The following APOB variants were observed in gnomAD, a reference collection of about 807,000 sequenced individuals.
APOB encodes the protein apolipoprotein B.
A neutral mutation model predicts 314.1 loss-of-function variants in APOB; 153 were observed. That is an observed-to-expected ratio of 0.49 (90% CI 0.43 to 0.56). APOB has a LOEUF of 0.56. APOB is among the 20% of genes least tolerant of loss of function. The probability of loss-of-function intolerance (pLI) is 0.00; values close to 1 mark genes in which losing one functional copy is unlikely to be tolerated. For synonymous variants in APOB, 2,087 were observed against 2,036.4 expected (o/e 1.02, Z -0.67); for missense variants, 5,430 against 5,350.7 (o/e 1.01, Z -0.46).
chr2:21,028,071 T>C lies in APOB; in HGVS notation c.1830-6A>G. On this transcript the variant is annotated splice_region_variant and splice_polypyrimidine_tract_variant and intron_variant, in intron 13 of 28. Transcript: ENST00000233242. ...CTTTCACTAACTTTTTCAGACTAGA[T>C]AAGAAGAAGTATATTTTGAGCTGAC... is the stretch of plus-strand genomic sequence containing the variant. 1 of 1,570,384 alleles carries C rather than the reference T, an allele frequency of 6.4e-7. No homozygotes were observed. Among genetic ancestry groups the C allele is most frequent in the South Asian group, 1.1e-5 (1 of 89,972 alleles).
intron 10 of APOB, among the ~76,000 whole-genome samples, chr2:21,031,197 C>G (rs1386081124): frequency 6.6e-6 from 1 of 152,204 alleles, no homozygotes; most frequent in Admixed American, 6.5e-5. Flanking sequence ...GACATGGAAT[C>G]AACCTAAGTG....
At chr2:21,028,990 A>G (rs1023258028) in intron 12 of APOB, among the ~76,000 whole-genome samples, 1 of 152,234 alleles carries the variant, frequency 6.6e-6, no homozygotes, top group Non-Finnish European at 1.5e-5. Flanking sequence ...GGGAAAATTA[A>G]GCATGTTTTT....
intron 12 of APOB, 100 bp from the exon 13 acceptor site, chr2:21,028,638 A>G: frequency 2.4e-6 from 2 of 817,668 alleles, no homozygotes; most frequent in Non-Finnish European, 4.2e-6. Context: ...TCTTAAGCAC[A>G]GGTCTAATTT....
intron 4 of APOB, among the ~76,000 whole-genome samples, chr2:21,039,986 C>T (rs768851715): frequency 4.6e-5 from 7 of 152,142 alleles, no homozygotes; most frequent in Non-Finnish European, 8.8e-5. Context: ...AATTTCGTCT[C>T]GTAGCTCTCA....
chr2:21,002,297 C>T lies in APOB; in HGVS notation c.13125G>A (p.Gln4375=). 1 of 1,613,794 alleles carries T rather than the reference C, an allele frequency of 6.2e-7. No individual in the cohort carries two copies. The highest frequency in any genetic ancestry group is 1.1e-5 in the South Asian group (1 of 91,040). ...GGGCCATAATGTATTGATGGATCTG[C>T]TGTAACTCTTGAGAAGCTTCCTGAA... ...NELQEASQEL[Q]QIHQYIMALR... The change falls in exon 29 of 29, where the codon CAG becomes CAA. Residue 4375 remains glutamine (Q), a synonymous_variant. Coordinates refer to ENST00000233242, the MANE Select transcript of APOB (RefSeq NM_000384.3).
At chr2:21,029,266 A>G (rs916914191) in intron 12 of APOB, among the ~76,000 whole-genome samples, 6 of 152,256 alleles carry the variant, frequency 3.9e-5, no homozygotes, top group African/African-American at 1.4e-4. Context: ...CCTGGCCAAC[A>G]TGGCAAAACT....
chr2:21,042,611 T>C (rs1298610053), intron 2 of APOB, 135 bp from the exon 3 acceptor site: 1 of 723,966 alleles, frequency 1.4e-6, no homozygotes, highest in Non-Finnish European at 2.5e-6. Context: ...TAATTGACTT[T>C]ATACTTAATT....
intron 18 of APOB, among the ~76,000 whole-genome samples, chr2:21,021,929 G>A (rs978755910): frequency 5.9e-5 from 9 of 152,118 alleles, no homozygotes; most frequent in Admixed American, 6.6e-5. Context: ...CTCAACATAC[G>A]TGGTATATAT....
intron 21 of APOB, 149 bp from the exon 22 acceptor site, chr2:21,015,694 A>G (rs1663447843): frequency 2.3e-6 from 2 of 869,192 alleles, no homozygotes; most frequent in Non-Finnish European, 3.7e-6. Context: ...TCAACTTCTA[A>G]AGCCAACATT....
In APOB at chr2:21,028,266, T is replaced by G; in HGVS notation, c.1829+61A>C. ...GGCAGACAGTGGCTATGCCAAAACC[T>G]AGGGTTGGAATTCCAGCTCAGGGCC... On this transcript the variant is annotated intron_variant, in intron 13 of 28. Coordinates refer to ENST00000233242, the MANE Select transcript of APOB (RefSeq NM_000384.3). The G allele has an allele frequency of 4.1e-6, 6 of 1,450,826 alleles. No homozygotes were observed. The South Asian group carries it at 6.9e-5, about 17-fold the overall frequency. 89.9% of individuals were successfully genotyped at this position (1,450,826 alleles called of 1,614,324 possible).
At position 21,007,433 on chromosome 2, in the gene APOB, A is replaced by T; in HGVS notation, c.9435T>A (p.Pro3145=). ...CCCATAGAGAGAAATCTTTCAGTGG[A>T]GGAGTTGTGATTATTGTGTAAGGTA... The part of the protein sequence containing the change: ...MRLPYTIITT[P]PLKDFSLWEK... Residue 3145 remains proline, a synonymous_variant, in exon 26 of 29, where the codon CCT becomes CCA. Coordinates refer to ENST00000233242, the MANE Select transcript of APOB (RefSeq NM_000384.3). 1 of 1,614,018 alleles carries T rather than the reference A, an allele frequency of 6.2e-7. No individual in the cohort carries two copies.
rs370286693 is a variant in APOB at position 21,001,976 on chromosome 2, A to C, written c.13446T>G (p.Ile4482Met). ...AATCAGAAATTATTTTCTTCGTCGC[A>C]ATGGCCTGGCTTTTAATTATTTCCT... ...TAQEIIKSQA[I>M]ATKKIISDYH... The change falls in exon 29 of 29, where the codon ATT becomes ATG. Residue 4482 changes from isoleucine (I) to methionine (M), a missense_variant. Physicochemically the swap from Ile to Met is conservative, Grantham distance 10. This residue lies in a region of APOB where 3,281 missense variants were observed against 3,171.0 expected (regional missense o/e 1.03). Coordinates refer to ENST00000233242, the MANE Select transcript of APOB (RefSeq NM_000384.3). 4.3e-6 allele frequency: 7 copies of C among 1,614,012 alleles called. No individual in the cohort carries two copies. The highest frequency in any genetic ancestry group is 5.1e-6 in the Non-Finnish European group (6 of 1,179,970).
Position 21,019,669 on chromosome 2 carries a change from G to A in APOB, c.2999+54C>T, listed in dbSNP as rs1663550488. 1.6e-5 allele frequency: 25 copies of A among 1,550,154 alleles called. No individual in the cohort carries two copies. In the South Asian group the frequency reaches 2.7e-4, roughly 17 times the overall value. On this transcript the variant is annotated intron_variant, in intron 19 of 28. Coordinates refer to ENST00000233242, the MANE Select transcript of APOB (RefSeq NM_000384.3). ...TATTTTTTCCTGTGCCATGCTAGGT[G>A]GCCATGATGTGGAAGGTGAGAAAAT...
Position 21,005,764 on chromosome 2 carries a change from G to A in APOB, c.11104C>T (p.Leu3702Phe), listed in dbSNP as rs1165176747. Reference sequence around the variant, plus strand: ...TACACAAAGGCAGTTGAAACACGAAGATGCTGTCTCCTACCAATGCTGGTG... The same window carrying A: ...TACACAAAGGCAGTTGAAACACGAAAATGCTGTCTCCTACCAATGCTGGTG... ...VTTSIGRRQH[L>F]RVSTAFVYTK... Residue 3702 changes from leucine (L) to phenylalanine (F), a missense_variant, in exon 26 of 29, where the codon CTT (leucine) becomes TTT (phenylalanine). Around this residue, in one of 3 missense-constraint regions of APOB, gnomAD observed 3,281 missense variants for 3,171.0 expected, o/e 1.03. Transcript: ENST00000233242. The A allele has an allele frequency of 6.2e-7, 1 of 1,613,976 alleles. No homozygotes were observed. The highest frequency in any genetic ancestry group is 1.7e-5 in the Admixed American group (1 of 60,000).
intron 27 of APOB, 27 bp downstream of exon 27, chr2:21,004,534 G>A (rs72654419): frequency 6.2e-7 from 1 of 1,612,100 alleles, no homozygotes; most frequent in Non-Finnish European, 8.5e-7. Flanking sequence ...AAAGGTATAA[G>A]GTTTCAATTC....
Position 21,007,119 on chromosome 2 carries a change from C to T in APOB, c.9749G>A (p.Gly3250Glu). 1 of 1,613,936 alleles carries T rather than the reference C, an allele frequency of 6.2e-7. No homozygotes were observed. The highest frequency in any genetic ancestry group is 8.5e-7 in the Non-Finnish European group (1 of 1,179,922). The part of the protein sequence containing the change: ...DELPRTFQIP[G>E]YTVPVVNVEV... ...AACATTGACAACTGGAACAGTGTATCCAGGAATTTGAAAGGTCCTGGGGAG... is the reference window on the plus strand; with the variant it reads ...AACATTGACAACTGGAACAGTGTATTCAGGAATTTGAAAGGTCCTGGGGAG... Residue 3250 changes from glycine (G) to glutamate (E), a missense_variant, in exon 26 of 29, where the codon GGA becomes GAA. Around this residue, in one of 3 missense-constraint regions of APOB, gnomAD observed 3,281 missense variants for 3,171.0 expected, o/e 1.03. Transcript: ENST00000233242.
In APOB at chr2:21,009,340, C is replaced by T; in HGVS notation, c.7528G>A (p.Ala2510Thr). Residue 2510 changes from alanine to threonine, a missense_variant, in exon 26 of 29, where the codon GCC (alanine) becomes ACC (threonine). This residue lies in a region of APOB where 3,281 missense variants were observed against 3,171.0 expected (regional missense o/e 1.03). Transcript: ENST00000233242. The part of the protein sequence containing the change: ...LSSASLAHMK[A>T]KFRETLEDTR... ...TCTTCTAGGGTCTCTCGGAATTTGG[C>T]CTTCATGTGAGCCAAAGATGCTGAA... 2 of 1,614,000 alleles carry T rather than the reference C, an allele frequency of 1.2e-6. No homozygotes were observed. The highest frequency in any genetic ancestry group is 1.1e-5 in the South Asian group (1 of 91,074).
intron 15 of APOB, 142 bp from the exon 16 acceptor site, chr2:21,025,266 G>A: frequency 1.3e-6 from 1 of 779,222 alleles, no homozygotes. Flanking sequence ...CTGAAGTCCA[G>A]GCTAATTCCT....
rs1256414520 is a variant in APOB, at chr2:21,002,390, A to AACATATGG, written c.13024_13031dup (p.Phe4345HisfsTer7). On this transcript the variant is annotated frameshift_variant, in exon 29 of 29. Coordinates refer to ENST00000233242, the MANE Select transcript of APOB (RefSeq NM_000384.3). LOFTEE classifies it low-confidence loss of function (END_TRUNC). The stretch of plus-strand genomic sequence containing the variant: ...ATAGGTTTTCTTTCAACAATTTAAA[A>AACATATGG]ACATATGGGATATAATCACTGAAGA... 10 of 1,600,210 alleles carry AACATATGG rather than the reference A, an allele frequency of 6.2e-6. No homozygotes were observed. In the South Asian group the frequency reaches 1.1e-4, roughly 18 times the overall value.
Sources: allele counts gnomAD v4.1 joint callset (sites outside exome capture counted in the v4.1 genomes callset), GRCh38; gene constraint gnomAD v4.1.1; regional missense constraint gnomAD v4.1.1; transcripts MANE v1.5; gene names NCBI Gene and HGNC (gene_info 2026-07-23, HGNC 2026-07-21).